Variants in GTF2F2 observed in about 807,000 individuals in gnomAD.
GTF2F2 encodes ATP-dependent helicase GTF2F2.
GTF2F2 carries 23 observed loss-of-function variants against 42.2 expected under a neutral mutation model. That is an observed-to-expected ratio of 0.55 (90% CI 0.39 to 0.77). The LOEUF (loss-of-function observed/expected upper bound fraction) is 0.77, where lower values mean the gene tolerates loss of function less well. GTF2F2 is among the 30% of genes least tolerant of loss of function. GTF2F2 has a pLI of 0.00. For missense variants in GTF2F2, 261 were observed against 287.2 expected (o/e 0.91, Z 0.66); for synonymous variants, 105 against 100.8 (o/e 1.04, Z -0.25).
intron 4 of GTF2F2, among the ~76,000 whole-genome samples, chr13:45,200,130 A>G (rs1424621391): frequency 1.3e-5 from 2 of 152,148 alleles, no homozygotes; most frequent in Non-Finnish European, 2.9e-5. Context: ...TGCTATTACA[A>G]ATGATAGCAT....
rs75020791 is a variant in GTF2F2, at chr13:45,207,403, C to T, written c.305-21C>T. ...AAAATGATAAGTATTATCTCTGAAT[C>T]CTTTTTTTTTTCCATTCAAGATAAG... On this transcript the variant is annotated intron_variant, in intron 4 of 7. Coordinates refer to ENST00000340473, the MANE Select transcript of GTF2F2 (RefSeq NM_004128.3). 4.8e-6 allele frequency: 7 copies of T among 1,463,636 alleles called. No individual in the cohort carries two copies. In the Admixed American group the frequency reaches 8.4e-5, roughly 18 times the overall value. 90.7% of individuals were successfully genotyped at this position (1,463,636 alleles called of 1,614,324 possible). A position where few individuals can be genotyped will look rare whatever the true frequency, so the allele number is the denominator to read the frequency against.
Position 45,174,587 on chromosome 13 carries a change from A to C in GTF2F2, c.304+22756A>C, listed in dbSNP as rs1871769010. ...TGTTATATGAATAGAATGAATATGCACCATTTTTTTGGTATGAGTTTTTCA... is the reference window on the plus strand; with the variant it reads ...TGTTATATGAATAGAATGAATATGCCCCATTTTTTTGGTATGAGTTTTTCA... On this transcript the variant is annotated intron_variant, in intron 4 of 7. Coordinates refer to ENST00000340473, the MANE Select transcript of GTF2F2 (RefSeq NM_004128.3). 2.1e-5 allele frequency among the ~76,000 whole-genome samples: 3 copies of C among 145,014 alleles called. No homozygotes were observed. In the South Asian group the frequency reaches 6.5e-4, roughly 32 times the overall value.
chr13:45,125,592 G>A (rs931259511), intron 1 of GTF2F2, among the ~76,000 whole-genome samples: 3 of 152,154 alleles, frequency 2.0e-5, no homozygotes, highest in Non-Finnish European at 4.4e-5. Context: ...AAAGTACTGG[G>A]ATTACCGGTG....
At chr13:45,135,566 T>C (rs1869578065) in intron 1 of GTF2F2, among the ~76,000 whole-genome samples, 1 of 152,200 alleles carries the variant, frequency 6.6e-6, no homozygotes, top group South Asian at 2.1e-4. Flanking sequence ...CCCTGTTCAG[T>C]AACTTTTAAT....
intron 2 of GTF2F2, among the ~76,000 whole-genome samples, chr13:45,149,309 G>C (rs1870360901): frequency 6.6e-6 from 1 of 151,476 alleles, no homozygotes; most frequent in Middle Eastern, 3.2e-3. Flanking sequence ...TGGGTGTGAT[G>C]GCATGCACTT....
chr13:45,270,711 C>T (rs771503789), intron 7 of GTF2F2, among the ~76,000 whole-genome samples: 6 of 152,108 alleles, frequency 3.9e-5, no homozygotes, highest in Non-Finnish European at 7.3e-5. Flanking sequence ...ATTTTTCCCC[C>T]CTCAAAAATA....
intron 4 of GTF2F2, among the ~76,000 whole-genome samples, chr13:45,204,008 A>C (rs756016347): frequency 9.9e-5 from 15 of 151,644 alleles, no homozygotes; most frequent in African/African-American, 1.5e-4. Flanking sequence ...GCTTTTTTTT[A>C]TTTTTTCACT....
chr13:45,260,941 C>T (rs991390535), intron 6 of GTF2F2, among the ~76,000 whole-genome samples: 5 of 152,106 alleles, frequency 3.3e-5, no homozygotes, highest in Non-Finnish European at 5.9e-5. Flanking sequence ...GCCTGGCCAA[C>T]GTGGTGAAAC....
Position 45,183,628 on chromosome 13 carries a change from A to C in GTF2F2, c.305-23796A>C, listed in dbSNP as rs79092956. On this transcript the variant is annotated intron_variant, in intron 4 of 7. Transcript: ENST00000340473. ...AATTTGGGTGTAGTTGCTACCCTTAATTAGGGTTCCATTTCTGACAAAGAA... is the reference window on the plus strand; with the variant it reads ...AATTTGGGTGTAGTTGCTACCCTTACTTAGGGTTCCATTTCTGACAAAGAA... Among the ~76,000 whole-genome samples the C allele has an allele frequency of 6.5e-3, 987 of 152,182 alleles. 17 individuals are homozygous for C. Among genetic ancestry groups the C allele is most frequent in the African/African-American group, 0.023 (943 of 41,468 alleles).
At chr13:45,222,847 A>G (rs1215658772) in intron 5 of GTF2F2, among the ~76,000 whole-genome samples, 1 of 152,132 alleles carries the variant, frequency 6.6e-6, no homozygotes, top group Non-Finnish European at 1.5e-5. Flanking sequence ...CTATGGCTAG[A>G]TCCTTTAGCT....
intron 4 of GTF2F2, among the ~76,000 whole-genome samples, chr13:45,179,465 G>T (rs1872041981): frequency 6.6e-6 from 1 of 152,158 alleles, no homozygotes; most frequent in Admixed American, 6.5e-5. Context: ...AGGACTCTGG[G>T]TCACCCTAGT....
chr13:45,133,942 C>T (rs1869489904), intron 1 of GTF2F2, among the ~76,000 whole-genome samples: 1 of 152,130 alleles, frequency 6.6e-6, no homozygotes, highest in African/African-American at 2.4e-5. Context: ...TCTCTCTGGT[C>T]CTCCTGATTC....
intron 4 of GTF2F2, among the ~76,000 whole-genome samples, chr13:45,181,725 C>G (rs1241138884): frequency 6.6e-6 from 1 of 151,984 alleles, no homozygotes; most frequent in Non-Finnish European, 1.5e-5. Flanking sequence ...CTTTTGAAAG[C>G]TAGAGGGAAA....
At chr13:45,245,012 A>T (rs1031349327) in intron 5 of GTF2F2, among the ~76,000 whole-genome samples, 14 of 152,216 alleles carry the variant, frequency 9.2e-5, no homozygotes, top group African/African-American at 3.4e-4. Flanking sequence ...AGCTTTCTAC[A>T]TCAGATGTTT....
At position 45,189,225 on chromosome 13, in the gene GTF2F2, C is replaced by T. The variant is rs111914555; in HGVS notation, c.305-18199C>T. Among the ~76,000 whole-genome samples, 586 of 152,296 alleles carry T rather than the reference C, an allele frequency of 3.8e-3. 2 individuals are homozygous for T. The highest frequency in any genetic ancestry group is 6.8e-3 in the Middle Eastern group (2 of 294). On this transcript the variant is annotated intron_variant, in intron 4 of 7. Coordinates refer to ENST00000340473, the MANE Select transcript of GTF2F2 (RefSeq NM_004128.3). ...GCTTCATCCATGTCCCTGCAAAGGA[C>T]ATCAACTTACCCCTTTTTTTTGGCT... is the stretch of plus-strand genomic sequence containing the variant.
intron 4 of GTF2F2, among the ~76,000 whole-genome samples, chr13:45,167,891 A>G (rs1394022267): frequency 6.6e-6 from 1 of 152,172 alleles, no homozygotes; most frequent in Non-Finnish European, 1.5e-5. Context: ...TTTCTTGAGA[A>G]TATTTTATGG....
chr13:45,144,423 G>T (rs1415810770), intron 2 of GTF2F2, among the ~76,000 whole-genome samples: 1 of 148,436 alleles, frequency 6.7e-6, no homozygotes, highest in Non-Finnish European at 1.5e-5. Flanking sequence ...TTCTCCCCGA[G>T]ATTTTTATTT....
rs1161350461 is a variant in GTF2F2, at chr13:45,245,706, T to C, written c.387-7165T>C. Among the ~76,000 whole-genome samples, 259 of 70,814 alleles carry C rather than the reference T, an allele frequency of 3.7e-3. 1 individual carries two copies. Among genetic ancestry groups the C allele is most frequent in the African/African-American group, 0.026 (243 of 9,254 alleles). The allele number at this position is 70,814 out of a possible 152,430, so 46.5% of individuals were successfully genotyped here. A position where few individuals can be genotyped will look rare whatever the true frequency, so the allele number is the denominator to read the frequency against. ...ATATATATATATATATATATACATA[T>C]ACATACACACACACACACACCACAT... On this transcript the variant is annotated intron_variant, in intron 5 of 7. Transcript: ENST00000340473.
chr13:45,165,895 C>T lies in GTF2F2; in HGVS notation c.304+14064C>T, dbSNP rs113933100. ...GTGGTGTGATCTCGGCCTACTGCAACCTCTGTCTCCCAGGTTCAAGTGATT... is the reference window on the plus strand; with the variant it reads ...GTGGTGTGATCTCGGCCTACTGCAATCTCTGTCTCCCAGGTTCAAGTGATT... On this transcript the variant is annotated intron_variant, in intron 4 of 7. Coordinates refer to ENST00000340473, the MANE Select transcript of GTF2F2 (RefSeq NM_004128.3). 2.2e-3 allele frequency among the ~76,000 whole-genome samples: 319 copies of T among 142,590 alleles called. 3 individuals carry two copies. Among genetic ancestry groups the T allele is most frequent in the Middle Eastern group, 7.9e-3 (2 of 252 alleles). The allele number at this position is 142,590 out of a possible 152,430, so 93.5% of individuals were successfully genotyped here. A position where few individuals can be genotyped will look rare whatever the true frequency, so the allele number is the denominator to read the frequency against.
Sources: allele counts gnomAD v4.1 joint callset (sites outside exome capture counted in the v4.1 genomes callset), GRCh38; gene constraint gnomAD v4.1.1; transcripts MANE v1.5; gene names NCBI Gene and HGNC (gene_info 2026-07-23, HGNC 2026-07-21).